Variants in CTNNA3 observed in about 807,000 individuals in gnomAD.
CTNNA3 encodes catenin alpha 3.
In CTNNA3, 76 loss-of-function variants were observed where a neutral mutation model predicts 95.7. That is an observed-to-expected ratio of 0.79 (90% CI 0.66 to 0.96). The LOEUF (loss-of-function observed/expected upper bound fraction) is 0.96, where lower values mean the gene tolerates loss of function less well. Among genes scored for constraint, CTNNA3 ranks in the 40% least tolerant of loss-of-function variants. The pLI is 0.00. For synonymous variants in CTNNA3, 431 were observed against 374.4 expected (o/e 1.15, Z -1.74); for missense variants, 1,191 against 1,089.8 (o/e 1.09, Z -1.31).
At chr10:66,173,399 T>A (rs1048812368) in intron 13 of CTNNA3, among the ~76,000 whole-genome samples, 3 of 152,048 alleles carry the variant, frequency 2.0e-5, no homozygotes, top group African/African-American at 7.2e-5. Context: ...AATGGAAGAT[T>A]TAGTATTTAA....
rs56273707 is a variant in CTNNA3 at position 66,013,564 on chromosome 10, A to G, written c.2160-24767T>C. On this transcript the variant is annotated intron_variant, in intron 15 of 17. Coordinates refer to ENST00000433211, the MANE Select transcript of CTNNA3 (RefSeq NM_013266.4). Reference sequence around the variant, plus strand: ...TATTTTGCTAACGCGCTTTTAACTGATAATTTCAAATGTTTCTGCAAGAGG... The same window carrying G: ...TATTTTGCTAACGCGCTTTTAACTGGTAATTTCAAATGTTTCTGCAAGAGG... Among the ~76,000 whole-genome samples the G allele has an allele frequency of 4.7e-3, 714 of 152,302 alleles. 6 individuals are homozygous for G. The highest frequency in any genetic ancestry group is 0.016 in the African/African-American group (667 of 41,570).
At chr10:67,335,820 T>C (rs578013653) in intron 5 of CTNNA3, among the ~76,000 whole-genome samples, 1 of 152,316 alleles carries the variant, frequency 6.6e-6, no homozygotes, top group Non-Finnish European at 1.5e-5. Context: ...GAGAACTTAC[T>C]GTGTGTAAAT....
At chr10:67,347,222 G>GGTTTT (rs928992253) in intron 5 of CTNNA3, among the ~76,000 whole-genome samples, 5 of 151,662 alleles carry the variant, frequency 3.3e-5, no homozygotes, top group East Asian at 2.0e-4. Flanking sequence ...AGCTAATTTG[G>GGTTTT]GTTTTGTTTT....
At chr10:66,469,920 T>C (rs373383910) in intron 11 of CTNNA3, among the ~76,000 whole-genome samples, 13 of 151,944 alleles carry the variant, frequency 8.6e-5, no homozygotes, top group African/African-American at 2.9e-4. Context: ...TTTTCTTCTA[T>C]GAAGTTTGAC....
chr10:66,283,850 A>G (rs533307026), intron 12 of CTNNA3, among the ~76,000 whole-genome samples: 5 of 152,020 alleles, frequency 3.3e-5, no homozygotes, highest in African/African-American at 1.2e-4. Context: ...TCAAGAAAAT[A>G]CAAAATGAGT....
chr10:67,603,667 GA>G (rs1843158289), intron 3 of CTNNA3, among the ~76,000 whole-genome samples: 1 of 151,454 alleles, frequency 6.6e-6, no homozygotes, highest in Non-Finnish European at 1.5e-5. Context: ...ACATAAAAAA[GA>G]AAATATTGTG....
At chr10:66,001,729 C>T (rs2078773145) in intron 15 of CTNNA3, among the ~76,000 whole-genome samples, 1 of 152,018 alleles carries the variant, frequency 6.6e-6, no homozygotes. Flanking sequence ...TCTACCTTTT[C>T]ATTTTATTTA....
At chr10:67,590,433 G>A (rs1176753949) in intron 3 of CTNNA3, among the ~76,000 whole-genome samples, 1 of 152,082 alleles carries the variant, frequency 6.6e-6, no homozygotes, top group African/African-American at 2.4e-5. Context: ...ACATAGCCAT[G>A]CATATATGGA....
chr10:65,982,713 A>G (rs76080500), intron 16 of CTNNA3, among the ~76,000 whole-genome samples: 3,835 of 139,038 alleles, frequency 0.028, 65 homozygotes, highest in Middle Eastern at 0.052. Flanking sequence ...GTGTGTGTGT[A>G]TATATATATA....
chr10:66,562,517 T>C (rs35348088), intron 10 of CTNNA3, among the ~76,000 whole-genome samples: 4,310 of 152,046 alleles, frequency 0.028, 234 homozygotes, highest in East Asian at 0.22. Flanking sequence ...AATACAATCA[T>C]GTGAGGAAAA....
At chr10:66,719,039 C>T (rs1848543719) in intron 9 of CTNNA3, among the ~76,000 whole-genome samples, 1 of 152,172 alleles carries the variant, frequency 6.6e-6, no homozygotes, top group Non-Finnish European at 1.5e-5. Context: ...ACTTTGACTT[C>T]AGTGTATCAA....
At chr10:66,245,154 G>A (rs922890866) in intron 13 of CTNNA3, among the ~76,000 whole-genome samples, 1 of 152,186 alleles carries the variant, frequency 6.6e-6, no homozygotes, top group African/African-American at 2.4e-5. Context: ...TCCGGCCACT[G>A]CTCAGTCAGA....
chr10:66,032,829 A>T (rs144006305), intron 15 of CTNNA3, among the ~76,000 whole-genome samples: 1 of 152,346 alleles, frequency 6.6e-6, no homozygotes, highest in African/African-American at 2.4e-5. Flanking sequence ...AGGCATATTC[A>T]TGTATATTAT....
chr10:66,744,264 T>G (rs957968068), intron 9 of CTNNA3, among the ~76,000 whole-genome samples: 1 of 152,184 alleles, frequency 6.6e-6, no homozygotes, highest in Non-Finnish European at 1.5e-5. Context: ...CTCTTCTTAG[T>G]ATAGTTTTTA....
chr10:66,519,822 G>A (rs1318685479), intron 11 of CTNNA3, among the ~76,000 whole-genome samples: 1 of 152,132 alleles, frequency 6.6e-6, no homozygotes, highest in African/African-American at 2.4e-5. Context: ...GCTGAGTCAT[G>A]GGTGCGTGTC....
At chr10:67,751,288 A>T in intron 1 of CTNNA3, 1 of 997,838 alleles carries the variant, frequency 1.0e-6, no homozygotes. Context: ...CTGAAGTGTG[A>T]CATCTCCACT....
intron 7 of CTNNA3, among the ~76,000 whole-genome samples, chr10:66,825,904 C>T (rs1842489905): frequency 6.6e-6 from 1 of 152,214 alleles, no homozygotes. Flanking sequence ...TTTCAAAACA[C>T]TCCTGTATTC....
intron 13 of CTNNA3, among the ~76,000 whole-genome samples, chr10:66,263,084 C>T (rs766665284): frequency 2.5e-4 from 38 of 151,900 alleles, no homozygotes; most frequent in Non-Finnish European, 3.8e-4. Context: ...AACAGACATA[C>T]GGTTGGAAGA....
intron 7 of CTNNA3, among the ~76,000 whole-genome samples, chr10:66,883,287 T>G (rs1844915907): frequency 6.6e-6 from 1 of 152,110 alleles, no homozygotes; most frequent in South Asian, 2.1e-4. Context: ...TAAGATGTAC[T>G]GAAGCCTCAG....
Sources: gnomAD v4.1 joint callset for allele counts (sites outside exome capture counted in the v4.1 genomes callset) on GRCh38, gnomAD v4.1.1 for gene constraint, MANE v1.5 for transcripts, NCBI Gene and HGNC (gene_info 2026-07-23, HGNC 2026-07-21) for gene names.